Variants in HIRA observed in about 807,000 individuals in gnomAD.
HIRA encodes protein HIRA.
In HIRA, 13 loss-of-function variants were observed where a neutral mutation model predicts 126.6. The observed-to-expected ratio is 0.10, with a 90% CI of 0.07 to 0.16. The LOEUF is 0.16. Ranked by LOEUF, HIRA falls within the 10% of genes least tolerant of loss-of-function variation. HIRA has a pLI of 1.00. For synonymous variants in HIRA, 511 were observed against 520.0 expected, an observed-to-expected ratio of 0.98 and a Z score of 0.24; for missense variants, 834 against 1,314.4, an observed-to-expected ratio of 0.63 and a Z score of 5.65.
At chr22:19,349,936 C>T (rs117440744) in intron 24 of HIRA, among the ~76,000 whole-genome samples, 2,501 of 152,194 alleles carry the variant, frequency 0.016, 35 homozygotes, top group Middle Eastern at 0.031. Flanking sequence ...ATGGTTTCAT[C>T]CCTCACCTTT....
chr22:19,330,814 G>A lies in HIRA; in HGVS notation c.*626C>T, dbSNP rs549058106. 8.3e-5 allele frequency: 13 copies of A among 157,406 alleles called. No homozygotes were observed. The highest frequency in any genetic ancestry group is 3.1e-4 in the Admixed American group (5 of 16,118). The allele number at this position is 157,406 out of a possible 1,614,324, so 9.8% of individuals were successfully genotyped here. On this transcript the variant is annotated 3_prime_UTR_variant, in exon 25 of 25. Transcript: ENST00000263208. The stretch of plus-strand genomic sequence containing the variant: ...AAACATTTAAAAATTAAAACCAAAT[G>A]AAGATAGACAAGTTAATTTCAGTAC...
chr22:19,375,861 T>C, intron 14 of HIRA, 69 bp from the exon 15 acceptor site: 1 of 1,527,984 alleles, frequency 6.5e-7, no homozygotes, highest in Non-Finnish European at 9.0e-7. Context: ...AGTATTTGCA[T>C]TATTTGGAGC....
At chr22:19,370,184 C>G (rs1331044921) in intron 15 of HIRA, among the ~76,000 whole-genome samples, 1 of 152,092 alleles carries the variant, frequency 6.6e-6, no homozygotes, top group African/African-American at 2.4e-5. Context: ...AACTCCTAAC[C>G]TCAGGTGATC....
chr22:19,421,886 G>C (rs760689056), intron 1 of HIRA, among the ~76,000 whole-genome samples: 2 of 152,076 alleles, frequency 1.3e-5, no homozygotes, highest in East Asian at 3.9e-4. Flanking sequence ...TGGCCAGACT[G>C]GTCTTGAACT....
intron 13 of HIRA, among the ~76,000 whole-genome samples, chr22:19,378,365 T>C (rs749065117): frequency 6.6e-6 from 1 of 152,206 alleles, no homozygotes; most frequent in African/African-American, 2.4e-5. Context: ...TGCAAACACA[T>C]GTCTTAGGAG....
intron 1 of HIRA, among the ~76,000 whole-genome samples, chr22:19,417,898 A>G (rs1172107685): frequency 6.6e-6 from 1 of 152,238 alleles, no homozygotes; most frequent in African/African-American, 2.4e-5. Flanking sequence ...ATATCCATAC[A>G]ATGGAATATT....
intron 1 of HIRA, among the ~76,000 whole-genome samples, chr22:19,420,343 G>A (rs1216018314): frequency 6.6e-6 from 1 of 151,234 alleles, no homozygotes. Context: ...GTGCAAGCCT[G>A]TAGTCTCAGC....
chr22:19,368,363 T>C (rs997297741), intron 15 of HIRA, among the ~76,000 whole-genome samples: 4 of 152,180 alleles, frequency 2.6e-5, no homozygotes, highest in African/African-American at 7.2e-5. Context: ...GGGCAAAGCA[T>C]CCATCTGTGG....
At chr22:19,417,467 C>A (rs2089408541) in intron 1 of HIRA, among the ~76,000 whole-genome samples, 1 of 151,912 alleles carries the variant, frequency 6.6e-6, no homozygotes, top group South Asian at 2.1e-4. Flanking sequence ...ACTAAAAATA[C>A]AAAAATTAGC....
intron 5 of HIRA, among the ~76,000 whole-genome samples, chr22:19,401,544 C>T (rs963306171): frequency 6.6e-6 from 1 of 152,190 alleles, no homozygotes; most frequent in African/African-American, 2.4e-5. Context: ...CACTGGCAAA[C>T]TTAACATATC....
Position 19,383,718 on chromosome 22 carries a change from A to G in HIRA, c.1330-13T>C. The stretch of plus-strand genomic sequence containing the variant: ...TCTTCAAAAGATTCTGGCAAAGCAG[A>G]GTTACATAAATGAATGCAAAAGTTT... On this transcript the variant is annotated splice_polypyrimidine_tract_variant and intron_variant, in intron 12 of 24. Coordinates refer to ENST00000263208, the MANE Select transcript of HIRA (RefSeq NM_003325.4). 2 of 1,609,132 alleles carry G rather than the reference A, an allele frequency of 1.2e-6. No individual in the cohort carries two copies. The highest frequency in any genetic ancestry group is 1.7e-6 in the Non-Finnish European group (2 of 1,176,594).
At chr22:19,379,768 T>C (rs968713607) in intron 13 of HIRA, among the ~76,000 whole-genome samples, 23 of 151,970 alleles carry the variant, frequency 1.5e-4, no homozygotes, top group African/African-American at 4.3e-4. Context: ...AAATTCCTTA[T>C]ATGGTAGGAA....
At chr22:19,395,665 C>T (rs755575322) in intron 7 of HIRA, among the ~76,000 whole-genome samples, 2 of 152,144 alleles carry the variant, frequency 1.3e-5, no homozygotes, top group Non-Finnish European at 2.9e-5. Context: ...CTCATGTGTC[C>T]CTCGCTCTGT....
At chr22:19,413,740 T>C (rs1360979131) in intron 1 of HIRA, among the ~76,000 whole-genome samples, 2 of 152,018 alleles carry the variant, frequency 1.3e-5, no homozygotes, top group South Asian at 2.1e-4. Flanking sequence ...GCCTCCTGAA[T>C]AGCTGGGACT....
intron 24 of HIRA, among the ~76,000 whole-genome samples, chr22:19,334,141 AT>A (rs1201637557): frequency 9.9e-5 from 15 of 151,066 alleles, no homozygotes; most frequent in South Asian, 2.1e-4. Context: ...CGCCTGGCTA[AT>A]TTTTTTGTAT....
chr22:19,375,409 G>A (rs1178186187), intron 15 of HIRA, among the ~76,000 whole-genome samples: 4 of 152,064 alleles, frequency 2.6e-5, no homozygotes, highest in African/African-American at 4.8e-5. Context: ...CTTTTGCCGC[G>A]TCCTCCCCCA....
intron 15 of HIRA, 137 bp from the exon 16 acceptor site, chr22:19,362,068 T>A: frequency 1.4e-6 from 1 of 729,608 alleles, no homozygotes; most frequent in South Asian, 1.9e-5. Context: ...GCCTCAAAAG[T>A]AAAGGAGAAA....
chr22:19,397,842 A>T, intron 6 of HIRA, 150 bp downstream of exon 6: 1 of 590,812 alleles, frequency 1.7e-6, no homozygotes, highest in South Asian at 2.2e-5. Flanking sequence ...AAACAAATGT[A>T]ACTGACAAAG....
rs1471084164 is a variant in HIRA at position 19,417,401 on chromosome 22, A to ATCAAGAGG, written c.38-6631_38-6624dup. On this transcript the variant is annotated intron_variant, in intron 1 of 24. Transcript: ENST00000263208. Reference sequence around the variant, plus strand: ...CACTTTGAGAGGCTAAGGTGGGTGGATCAAGAGGTCAAGAGATCAAGACCA... The same window carrying ATCAAGAGG: ...CACTTTGAGAGGCTAAGGTGGGTGGATCAAGAGGTCAAGAGGTCAAGAGATCAAGACCA... Among the ~76,000 whole-genome samples, 20 of 151,862 alleles carry ATCAAGAGG rather than the reference A, an allele frequency of 1.3e-4. 1 individual carries two copies.
Sources: allele counts gnomAD v4.1 joint callset (sites outside exome capture counted in the v4.1 genomes callset), GRCh38; gene constraint gnomAD v4.1.1; transcripts MANE v1.5; gene names NCBI Gene and HGNC (gene_info 2026-07-23, HGNC 2026-07-21).